PHYKPL: variants seen among roughly 807,000 people sequenced by gnomAD.
PHYKPL encodes the protein 5-phosphohydroxy-L-lysine phospho-lyase.
PHYKPL carries 42 observed loss-of-function variants against 51.3 expected under a neutral mutation model. That is an observed-to-expected ratio of 0.82 (90% CI 0.64 to 1.06). The LOEUF is 1.06. Ranked by LOEUF, PHYKPL falls within the 50% of genes least tolerant of loss-of-function variation. PHYKPL has a pLI of 0.00. For synonymous variants in PHYKPL, 264 were observed against 236.0 expected, an observed-to-expected ratio of 1.12 and a Z score of -1.09; for missense variants, 655 against 586.6, an observed-to-expected ratio of 1.12 and a Z score of -1.20.
At chr5:178,211,826 G>A (rs1758537411) in intron 12 of PHYKPL, 64 bp downstream of exon 12, 3 of 1,195,064 alleles carry the variant, frequency 2.5e-6, no homozygotes, top group Admixed American at 1.9e-5. Context: ...TGCCGAGGCT[G>A]CTTGCTGCTG....
chr5:178,212,683 TTTC>T (rs1561682738), intron 11 of PHYKPL, among the ~76,000 whole-genome samples: 1 of 152,222 alleles, frequency 6.6e-6, no homozygotes, highest in Non-Finnish European at 1.5e-5. Context: ...TTATGGCCTG[TTTC>T]TCAGGCCCAG....
downstream of PHYKPL, among the ~76,000 whole-genome samples, chr5:178,208,180 G>T (rs12514956): frequency 0.07 from 10,654 of 152,268 alleles, 498 homozygotes; most frequent in East Asian, 0.18. Context: ...GGAGTTGAGG[G>T]TGCGGCCTGC....
intron 12 of PHYKPL, among the ~76,000 whole-genome samples, chr5:178,209,852 C>G (rs977491016): frequency 6.6e-6 from 1 of 152,148 alleles, no homozygotes; most frequent in Non-Finnish European, 1.5e-5. Flanking sequence ...TTTTTAAAGG[C>G]TAAGCTGCCA....
rs75426247 is a variant in PHYKPL at position 178,209,475 on chromosome 5, C to A, written c.*32-560G>T. 3.0e-3 allele frequency: 4,752 copies of A among 1,578,334 alleles called. 133 individuals are homozygous for A. In the African/African-American group the frequency reaches 0.057, roughly 19 times the overall value. The stretch of plus-strand genomic sequence containing the variant: ...GAGTGGAACGTGGATGAAGATAGGT[C>A]CTGTTTCCCTGCCTACATGGAGCCT... On this transcript the variant is annotated intron_variant, in intron 12 of 12. Coordinates refer to ENST00000308158, the MANE Select transcript of PHYKPL (RefSeq NM_153373.4).
chr5:178,210,054 A>C, intron 12 of PHYKPL: 1 of 1,573,144 alleles, frequency 6.4e-7, no homozygotes, highest in Non-Finnish European at 8.6e-7. Context: ...TGCCACCCCA[A>C]AGGGCAGGAT....
chr5:178,224,644 C>A lies in PHYKPL; in HGVS notation c.499G>T (p.Val167Leu). The A allele has an allele frequency of 6.2e-7, 1 of 1,614,224 alleles. No homozygotes were observed. The highest frequency in any genetic ancestry group is 8.5e-7 in the Non-Finnish European group (1 of 1,180,042). ...NLDGQKEWVHVAPLPDTYRGP... is the reference protein window; with the variant it reads ...NLDGQKEWVHLAPLPDTYRGP... The stretch of plus-strand genomic sequence containing the variant: ...TTGTTGAGTTGGGCAGTGCATACCA[C>A]GTGGACCCACTCCTTCTGGCCATCC... Residue 167 changes from valine (V) to leucine (L), a missense_variant and splice_region_variant, in exon 5 of 13, where the codon GTG becomes TTG. By Grantham distance (32) the Val-to-Leu change is conservative. Transcript: ENST00000308158.
At position 178,223,366 on chromosome 5, in the gene PHYKPL, G is replaced by T. The variant is rs1037370215; in HGVS notation, c.619-432C>A. Reference sequence around the variant, plus strand: ...GTTTCTTCCTTGGACTCCTGCAGAGGTCTTCTAACTGAATGCCTTTTCCAG... The same window carrying T: ...GTTTCTTCCTTGGACTCCTGCAGAGTTCTTCTAACTGAATGCCTTTTCCAG... On this transcript the variant is annotated intron_variant, in intron 6 of 12. Transcript: ENST00000308158. The T allele has an allele frequency of 2.0e-5, 9 of 457,174 alleles. No homozygotes were observed. In the East Asian group the frequency reaches 6.2e-4, roughly 32 times the overall value. The allele number at this position is 457,174 out of a possible 1,614,324, so 28.3% of individuals were successfully genotyped here.
Position 178,211,954 on chromosome 5 carries a change from C to G in PHYKPL, c.1320G>C (p.Val440=). Residue 440 remains valine, a synonymous_variant, in exon 12 of 13, where the codon GTG becomes GTC. Transcript: ENST00000308158. The part of the protein sequence containing the change: ...DAILTDMEEK[V]RSCETLRLQP ...GGAGCCTCAGCGTTTCACAACTTCT[C>G]ACCTTCTCTTCCATGTCTGAAAAAG... The G allele has an allele frequency of 1.2e-6, 2 of 1,614,216 alleles. No homozygotes were observed. Among genetic ancestry groups the G allele is most frequent in the African/African-American group, 1.3e-5 (1 of 75,052 alleles).
chr5:178,221,807 C>CTCA (rs1761222976), intron 8 of PHYKPL, among the ~76,000 whole-genome samples: 2 of 152,286 alleles, frequency 1.3e-5, no homozygotes, highest in East Asian at 3.9e-4. Flanking sequence ...TCCTGTGGTC[C>CTCA]TCACTCTTCA....
intron 8 of PHYKPL, among the ~76,000 whole-genome samples, chr5:178,218,069 T>G (rs1760253511): frequency 9.1e-6 from 1 of 109,342 alleles, no homozygotes; most frequent in African/African-American, 4.1e-5. Flanking sequence ...ATACAAAAAT[T>G]AGCCGGGCGT....
chr5:178,222,541 C>T lies in PHYKPL; in HGVS notation c.741G>A (p.Glu247=), dbSNP rs1406625204. 1.2e-6 allele frequency: 2 copies of T among 1,614,248 alleles called. No homozygotes were observed. The highest frequency in any genetic ancestry group is 2.2e-5 in the South Asian group (2 of 91,084). Residue 247 remains glutamate, a synonymous_variant, in exon 8 of 13, where the codon GAG becomes GAA. Coordinates refer to ENST00000308158, the MANE Select transcript of PHYKPL (RefSeq NM_153373.4). ...CTACCCGGCCAAAGCCAACCTGGAT[C>T]TCATCTGCAACAAAGACCCCTCCGG... ...RKAGGVFVAD[E]IQVGFGRVGK... is the part of the protein sequence containing the mutation.
At chr5:178,224,602 G>GGACAGGCACC in intron 5 of PHYKPL, 38 bp from the exon 6 acceptor site, 1 of 1,614,058 alleles carries the variant, frequency 6.2e-7, no homozygotes, top group African/African-American at 1.3e-5. Context: ...CCGGGCTTGG[G>GGACAGGCACC]GACAGGCACC....
intron 8 of PHYKPL, among the ~76,000 whole-genome samples, chr5:178,221,868 T>C (rs1388240967): frequency 6.6e-6 from 1 of 152,164 alleles, no homozygotes; most frequent in African/African-American, 2.4e-5. Flanking sequence ...GCTGCCATCC[T>C]CTCACCTACC....
chr5:178,217,639 A>G (rs1404541865), intron 8 of PHYKPL, among the ~76,000 whole-genome samples: 1 of 151,528 alleles, frequency 6.6e-6, no homozygotes, highest in Non-Finnish European at 1.5e-5. Context: ...CGGGTGGATC[A>G]TGAGGTCAGG....
chr5:178,212,527 CATTTT>C (rs1183878342), intron 11 of PHYKPL, among the ~76,000 whole-genome samples: 2 of 152,238 alleles, frequency 1.3e-5, no homozygotes, highest in African/African-American at 4.8e-5. Context: ...GTAGAGTTTT[CATTTT>C]GAGTTCCGTC....
chr5:178,231,066 C>T, intron 2 of PHYKPL: 1 of 228,618 alleles, frequency 4.4e-6, no homozygotes, highest in Non-Finnish European at 8.7e-6. Context: ...CCTGAGATGG[C>T]CAATGGGGCT....
At chr5:178,229,670 T>G (rs2913863) in intron 3 of PHYKPL, 265,791 of 341,948 alleles carry the variant, frequency 0.78, 104,347 homozygotes, top group African/African-American at 0.88. Context: ...GGCTGTATCC[T>G]TAAGGCAGAA....
At chr5:178,223,223 T>C in intron 6 of PHYKPL, 2 of 423,124 alleles carry the variant, frequency 4.7e-6, no homozygotes, top group Non-Finnish European at 9.0e-6. Context: ...CCATTTTTGA[T>C]CCACGCCTCC....
chr5:178,224,314 C>G (rs1285757264), intron 6 of PHYKPL, 134 bp downstream of exon 6: 1 of 992,024 alleles, frequency 1.0e-6, no homozygotes, highest in East Asian at 2.6e-5. Flanking sequence ...GCCCAAACTG[C>G]CCCTATCCCA....
Sources: allele counts gnomAD v4.1 joint callset (sites outside exome capture counted in the v4.1 genomes callset), GRCh38; gene constraint gnomAD v4.1.1; transcripts MANE v1.5; gene names NCBI Gene and HGNC (gene_info 2026-07-23, HGNC 2026-07-21).